Variants in PRX observed in about 807,000 individuals in gnomAD.
PRX encodes periaxin.
A neutral mutation model predicts 29.6 loss-of-function variants in PRX; 24 were observed. The ratio of observed to expected loss-of-function variants is 0.81; its 90% CI spans 0.59 to 1.14. The LOEUF is 1.14. PRX is among the 50% of genes most tolerant of loss of function. The pLI is 0.00. For synonymous variants in PRX, 772 were observed against 831.7 expected, an observed-to-expected ratio of 0.93 and a Z score of 1.24; for missense variants, 1,838 against 1,926.4, an observed-to-expected ratio of 0.95 and a Z score of 0.86.
rs765511133 is a variant in PRX at position 40,398,839 on chromosome 19, C to T, written c.185-23G>A. On this transcript the variant is annotated intron_variant, in intron 5 of 6. Coordinates refer to ENST00000324001, the MANE Select transcript of PRX (RefSeq NM_181882.3). This position sits in a 1 kb window ranked among gnomAD's most constrained non-coding sequence, Gnocchi z 6.3. The stretch of plus-strand genomic sequence containing the variant: ...CCCCTGCGGGCGAGGTGGAGGTGCG[C>T]AGCACGTGGGCATCTCCCGGCTCCG... The T allele has an allele frequency of 6.2e-7, 1 of 1,613,862 alleles. No individual in the cohort carries two copies.
chr19:40,395,001 G>C lies in PRX; in HGVS notation c.3351C>G (p.Ala1117=), dbSNP rs535934188. The change falls in exon 7 of 7, where the codon GCC becomes GCG. Residue 1117 remains alanine, a synonymous_variant. Coordinates refer to ENST00000324001, the MANE Select transcript of PRX (RefSeq NM_181882.3). ...GGCCTGACAGCTGCATTCCACTGACGGCCACAGCCCCCTCTGCCCTCCCTT... is the reference window on the plus strand; with the variant it reads ...GGCCTGACAGCTGCATTCCACTGACCGCCACAGCCCCCTCTGCCCTCCCTT... The part of the protein sequence containing the change: ...QEEGRAEGAV[A]VSGMQLSGLK... 2 of 1,609,172 alleles carry C rather than the reference G, an allele frequency of 1.2e-6. No individual in the cohort carries two copies. The highest frequency in any genetic ancestry group is 1.7e-6 in the Non-Finnish European group (2 of 1,179,824).
chr19:40,412,718 G>A (rs551681904), intron 1 of PRX, among the ~76,000 whole-genome samples: 1 of 151,960 alleles, frequency 6.6e-6, no homozygotes, highest in Non-Finnish European at 1.5e-5. Flanking sequence ...TCTGGTGTTT[G>A]TTAGTTTGTT....
chr19:40,395,515 G>A lies in PRX; in HGVS notation c.2837C>T (p.Ala946Val), dbSNP rs139700059. The A allele has an allele frequency of 3.4e-5, 55 of 1,614,206 alleles. No individual in the cohort carries two copies. In the African/African-American group the frequency reaches 7.1e-4, roughly 21 times the overall value. ...AGCTCGCCCAGCCCCCTCAGCCTCT[G>A]CCTTAGCCACCTTTGGCCCCGAGAG... is the stretch of plus-strand genomic sequence containing the variant. ...FGLSGPKVAKAEAEGAGRATK... is the reference protein window; with the variant it reads ...FGLSGPKVAKVEAEGAGRATK... The change falls in exon 7 of 7, where the codon GCA becomes GTA. Residue 946 changes from alanine (A) to valine (V), a missense_variant. Ala to Val is a moderately conservative substitution (Grantham distance 64, BLOSUM62 0). Around this residue, in one of 3 missense-constraint regions of PRX, gnomAD observed 1,143 missense variants for 1,193.0 expected, o/e 0.96. Transcript: ENST00000324001.
At position 40,397,724 on chromosome 19, in the gene PRX, C is replaced by T. The variant is rs775981300; in HGVS notation, c.628G>A (p.Ala210Thr). 37 of 1,559,932 alleles carry T rather than the reference C, an allele frequency of 2.4e-5. No homozygotes were observed. Among genetic ancestry groups the T allele is most frequent in the South Asian group, 2.3e-4 (20 of 85,436 alleles). The change falls in exon 7 of 7, where the codon GCC (alanine) becomes ACC (threonine). Residue 210 changes from alanine to threonine, a missense_variant. Around this residue, in one of 3 missense-constraint regions of PRX, gnomAD observed 666 missense variants for 665.0 expected, o/e 1.00. Coordinates refer to ENST00000324001, the MANE Select transcript of PRX (RefSeq NM_181882.3). ...EEAQAARLAA[A>T]APPPRKAKVE... ...TTGGCTTTCCTGGGGGGAGGAGCGG[C>T]GGCGGCCAGCCGGGCTGCCTGAGCC...
At chr19:40,402,075 G>A (rs932734772) in intron 5 of PRX, among the ~76,000 whole-genome samples, 3 of 152,118 alleles carry the variant, frequency 2.0e-5, no homozygotes, top group Non-Finnish European at 4.4e-5. Flanking sequence ...GCTGTAGGCC[G>A]GCCTCGGTGG....
chr19:40,395,675 C>T lies in PRX; in HGVS notation c.2677G>A (p.Glu893Lys), dbSNP rs201270794. The change falls in exon 7 of 7, where the codon GAA (glutamate) becomes AAA (lysine). Residue 893 changes from glutamate (E) to lysine (K), a missense_variant. Physicochemically the swap from Glu to Lys is moderately conservative, Grantham distance 56. Coordinates refer to ENST00000324001, the MANE Select transcript of PRX (RefSeq NM_181882.3). The stretch of plus-strand genomic sequence containing the variant: ...ACAGAGGGCACTCGGAAGCCCACTT[C>T]CCTGACCCCTGCTGCCACCTCAGGG... ...EGPEVAAGVR[E>K]VGFRVPSVEI... 57 of 1,614,070 alleles carry T rather than the reference C, an allele frequency of 3.5e-5. No individual in the cohort carries two copies. The highest frequency in any genetic ancestry group is 4.3e-5 in the Non-Finnish European group (51 of 1,180,034).
chr19:40,408,554 A>G (rs1228626763), intron 1 of PRX, among the ~76,000 whole-genome samples, 171 bp from the exon 2 acceptor site: 2 of 152,210 alleles, frequency 1.3e-5, no homozygotes. Flanking sequence ...CGGTAAAGCC[A>G]AAACTGACTC....
At chr19:40,402,135 G>A (rs572572262) in intron 5 of PRX, among the ~76,000 whole-genome samples, 5 of 152,012 alleles carry the variant, frequency 3.3e-5, no homozygotes, top group African/African-American at 1.2e-4. Flanking sequence ...GGCGGATCAC[G>A]AGGTCAGAAG....
At chr19:40,399,641 T>C (rs1222902122) in intron 5 of PRX, among the ~76,000 whole-genome samples, 1 of 152,188 alleles carries the variant, frequency 6.6e-6, no homozygotes, top group Non-Finnish European at 1.5e-5. Flanking sequence ...GCTTCCAAGG[T>C]GCTACACCCT....
rs185112635 is a variant in PRX at position 40,397,460 on chromosome 19, G to A, written c.892C>T (p.Pro298Ser). Residue 298 changes from proline (P) to serine (S), a missense_variant, in exon 7 of 7, where the codon CCT (proline) becomes TCT (serine). Around this residue, in one of 3 missense-constraint regions of PRX, gnomAD observed 666 missense variants for 665.0 expected, o/e 1.00. Coordinates refer to ENST00000324001, the MANE Select transcript of PRX (RefSeq NM_181882.3). ...VGIQVPQVEL[P>S]ALPSLPTLPT... Reference sequence around the variant, plus strand: ...AGAGTGGGCAGTGAGGGCAAGGCAGGCAGCTCCACCTGGGGGACCTGGATT... The same window carrying A: ...AGAGTGGGCAGTGAGGGCAAGGCAGACAGCTCCACCTGGGGGACCTGGATT... 725 of 1,583,692 alleles carry A rather than the reference G, an allele frequency of 4.6e-4. 6 individuals carry two copies. In the African/African-American group the frequency reaches 8.1e-3, roughly 18 times the overall value.
Position 40,397,004 on chromosome 19 carries a change from C to T in PRX, c.1348G>A (p.Val450Ile). Residue 450 changes from valine to isoleucine, a missense_variant, in exon 7 of 7, where the codon GTC becomes ATC. Transcript: ENST00000324001. ...PEVKLPKAPE[V>I]KLPKVPEAAL... Reference sequence around the variant, plus strand: ...GCCTCGGGCACTTTTGGAAGCTTGACCTCAGGAGCCTTGGGGAGCTTCACT... The same window carrying T: ...GCCTCGGGCACTTTTGGAAGCTTGATCTCAGGAGCCTTGGGGAGCTTCACT... 6.2e-7 allele frequency: 1 copy of T among 1,614,124 alleles called. No homozygotes were observed. The highest frequency in any genetic ancestry group is 1.3e-5 in the African/African-American group (1 of 75,046).
chr19:40,400,288 C>CT (rs998025771), intron 5 of PRX, among the ~76,000 whole-genome samples: 55 of 141,352 alleles, frequency 3.9e-4, no homozygotes, highest in South Asian at 1.6e-3. Flanking sequence ...AGCCCCTCCT[C>CT]TTTTTTTTTT....
intron 4 of PRX, chr19:40,407,616 G>A (rs2079538040): frequency 3.5e-6 from 2 of 565,404 alleles, no homozygotes; most frequent in South Asian, 4.1e-5. Context: ...TGCCTCTTCT[G>A]ATGAAGGGTT....
Position 40,398,215 on chromosome 19 carries a change from T to C in PRX, c.382-245A>G, listed in dbSNP as rs1436901058. ...ACGGGGACCCAAGACTTCTAGATCC[T>C]GATCCGGGATTTTCCCCAACATCCT... On this transcript the variant is annotated intron_variant, in intron 6 of 6. Coordinates refer to ENST00000324001, the MANE Select transcript of PRX (RefSeq NM_181882.3). The surrounding 1 kb of genome is among the most constrained non-coding windows in gnomAD (Gnocchi z 6.3). 1.1e-5 allele frequency: 15 copies of C among 1,415,754 alleles called. No homozygotes were observed. Among genetic ancestry groups the C allele is most frequent in the Non-Finnish European group, 1.4e-5 (15 of 1,090,814 alleles). 87.7% of individuals were successfully genotyped at this position (1,415,754 alleles called of 1,614,324 possible).
At chr19:40,405,184 A>G (rs988070570) in intron 4 of PRX, among the ~76,000 whole-genome samples, 2 of 152,118 alleles carry the variant, frequency 1.3e-5, no homozygotes, top group Non-Finnish European at 2.9e-5. Context: ...TTTACTGTAA[A>G]TGATGCAGAT....
intron 4 of PRX, among the ~76,000 whole-genome samples, chr19:40,406,771 CTTTTTTTT>C (rs59493934): frequency 1.6e-5 from 2 of 121,370 alleles, no homozygotes; most frequent in Non-Finnish European, 3.3e-5. Context: ...ACCTCCATTT[CTTTTTTTT>C]TTTTTTTTTT....
chr19:40,402,147 TG>T (rs1568713351), intron 5 of PRX, among the ~76,000 whole-genome samples: 1 of 151,690 alleles, frequency 6.6e-6, no homozygotes, highest in East Asian at 2.0e-4. Flanking sequence ...GGTCAGAAGA[TG>T]GAGACCATCC....
chr19:40,411,189 G>A (rs572566026), intron 1 of PRX, among the ~76,000 whole-genome samples: 29 of 152,312 alleles, frequency 1.9e-4, no homozygotes, highest in African/African-American at 6.3e-4. Flanking sequence ...GTGGCTCTGC[G>A]CACTGGGGCA....
chr19:40,403,776 G>A lies in PRX; in HGVS notation c.114C>T (p.Gly38=), dbSNP rs1032783022. Residue 38 remains glycine, a synonymous_variant, in exon 5 of 7, where the codon GGC becomes GGT. Transcript: ENST00000324001. ...GCTCCCGAACGAAGATTCCCTCTTT[G>A]CCGCCGCCCGCTACGTTGATGCCGC... The part of the protein sequence containing the change: ...GVSGINVAGG[G]KEGIFVRELR... The A allele has an allele frequency of 1.2e-6, 2 of 1,601,586 alleles. No homozygotes were observed. The highest frequency in any genetic ancestry group is 1.3e-5 in the African/African-American group (1 of 74,430).
Sources: allele counts gnomAD v4.1 joint callset (sites outside exome capture counted in the v4.1 genomes callset), GRCh38; gene constraint gnomAD v4.1.1; regional missense constraint gnomAD v4.1.1; non-coding constraint Gnocchi (gnomAD v3.1); transcripts MANE v1.5; gene names NCBI Gene and HGNC (gene_info 2026-07-23, HGNC 2026-07-21).